The following GRIK2 variants were observed in gnomAD, a reference collection of about 807,000 sequenced individuals.
GRIK2 encodes the protein glutamate ionotropic receptor kainate type subunit 2, also known as glutamate receptor ionotropic, kainate 2.
Under a neutral mutation model 100.3 loss-of-function variants are expected in GRIK2, and 32 were observed. The observed-to-expected ratio is 0.32, with a 90% CI of 0.24 to 0.43. The LOEUF is 0.43. GRIK2 is among the 20% of genes least tolerant of loss of function. The pLI is 1.00. For synonymous variants in GRIK2, 417 were observed against 389.4 expected (o/e 1.07, Z -0.83); for missense variants, 843 against 1,114.9 (o/e 0.76, Z 3.47).
chr6:101,599,774 T>G (rs2128309457), intron 2 of GRIK2, among the ~76,000 whole-genome samples: 1 of 151,948 alleles, frequency 6.6e-6, no homozygotes, highest in East Asian at 1.9e-4. Flanking sequence ...GTTCAATTGT[T>G]TAGGCTTCTT....
At chr6:101,796,069 A>G (rs866762068) in intron 7 of GRIK2, among the ~76,000 whole-genome samples, 1 of 152,214 alleles carries the variant, frequency 6.6e-6, no homozygotes, top group Non-Finnish European at 1.5e-5. Flanking sequence ...CTTATTAACC[A>G]TAGAGTGTTG....
At chr6:101,973,370 A>G (rs1001677056) in intron 14 of GRIK2, among the ~76,000 whole-genome samples, 4 of 151,902 alleles carry the variant, frequency 2.6e-5, no homozygotes, top group African/African-American at 9.7e-5. Flanking sequence ...TTATGACTAT[A>G]GTTGTAAGTA....
intron 4 of GRIK2, among the ~76,000 whole-genome samples, chr6:101,673,730 T>A (rs1381382070): frequency 9.9e-5 from 15 of 152,186 alleles, no homozygotes. Context: ...GATTCCTCAA[T>A]GATGTGTTCT....
intron 14 of GRIK2, among the ~76,000 whole-genome samples, chr6:101,988,132 T>TGTGTGTGC (rs1231517176): frequency 8.8e-4 from 26 of 29,542 alleles, no homozygotes; most frequent in African/African-American, 1.7e-3. Flanking sequence ...TGTGTGTGTG[T>TGTGTGTGC]GCGCGCGCGC....
intron 7 of GRIK2, among the ~76,000 whole-genome samples, chr6:101,722,903 G>A (rs185338315): frequency 1.3e-5 from 2 of 152,142 alleles, no homozygotes; most frequent in East Asian, 1.9e-4. Context: ...ATCTGGGAGA[G>A]GATGCTGTCA....
At chr6:101,793,505 G>T (rs539449566) in intron 7 of GRIK2, among the ~76,000 whole-genome samples, 1 of 152,322 alleles carries the variant, frequency 6.6e-6, no homozygotes, top group South Asian at 2.1e-4. Flanking sequence ...ATCAGCAGCA[G>T]TGTCTGCAGA....
chr6:101,525,445 A>T (rs1420055152), intron 2 of GRIK2, among the ~76,000 whole-genome samples: 2 of 152,110 alleles, frequency 1.3e-5, no homozygotes, highest in East Asian at 3.9e-4. Flanking sequence ...ACAAATTATA[A>T]CCTTTTAACC....
intron 10 of GRIK2, among the ~76,000 whole-genome samples, chr6:101,838,434 A>T (rs531995293): frequency 1.3e-5 from 2 of 152,258 alleles, no homozygotes; most frequent in South Asian, 4.1e-4. Context: ...AATGTGTAAC[A>T]AAAAGGTCAT....
intron 2 of GRIK2, among the ~76,000 whole-genome samples, chr6:101,529,094 C>T (rs1301442245): frequency 2.0e-5 from 3 of 152,096 alleles, no homozygotes; most frequent in Non-Finnish European, 4.4e-5. Flanking sequence ...TGCCTAGGAA[C>T]CCCATGCCTG....
intron 11 of GRIK2, among the ~76,000 whole-genome samples, chr6:101,869,021 G>A (rs1785223652): frequency 6.6e-6 from 1 of 151,714 alleles, no homozygotes. Flanking sequence ...TTTTGTCAAG[G>A]GAAAGGGTCA....
At chr6:101,753,031 A>G (rs1355825246) in intron 7 of GRIK2, among the ~76,000 whole-genome samples, 1 of 152,184 alleles carries the variant, frequency 6.6e-6, no homozygotes, top group African/African-American at 2.4e-5. Flanking sequence ...GCGGTGGCTC[A>G]CGCTTGTAAT....
At chr6:101,409,738 T>C (rs559015093) in intron 2 of GRIK2, among the ~76,000 whole-genome samples, 4 of 152,166 alleles carry the variant, frequency 2.6e-5, no homozygotes, top group Admixed American at 2.6e-4. Flanking sequence ...TAGATAATGT[T>C]GGATTTAATA....
chr6:101,578,850 T>G (rs1028923422), intron 2 of GRIK2, among the ~76,000 whole-genome samples: 4 of 152,202 alleles, frequency 2.6e-5, no homozygotes, highest in African/African-American at 9.6e-5. Flanking sequence ...TCCAGCAACA[T>G]ATAAATTCCA....
At chr6:101,797,671 AT>A (rs2128412295) in intron 7 of GRIK2, among the ~76,000 whole-genome samples, 1 of 40,232 alleles carries the variant, frequency 2.5e-5, no homozygotes, top group South Asian at 6.0e-4. Flanking sequence ...TATTTCCATA[AT>A]AAACCATTAT....
At chr6:101,512,474 A>G (rs1266740430) in intron 2 of GRIK2, among the ~76,000 whole-genome samples, 1 of 152,096 alleles carries the variant, frequency 6.6e-6, no homozygotes, top group Non-Finnish European at 1.5e-5. Flanking sequence ...TTGGCTAAAA[A>G]TTATGCCAAC....
At chr6:101,437,958 G>A (rs546361711) in intron 2 of GRIK2, among the ~76,000 whole-genome samples, 1 of 152,216 alleles carries the variant, frequency 6.6e-6, no homozygotes, top group Admixed American at 6.5e-5. Flanking sequence ...GAAGCAGTGG[G>A]CGGAGAATGT....
At chr6:102,026,587 A>G (rs1282066894) in intron 14 of GRIK2, among the ~76,000 whole-genome samples, 3 of 151,250 alleles carry the variant, frequency 2.0e-5, no homozygotes, top group African/African-American at 4.8e-5. Flanking sequence ...ACAATGAACT[A>G]TCAAATGCTG....
chr6:101,866,798 T>C (rs1417751574), intron 11 of GRIK2, among the ~76,000 whole-genome samples: 2 of 152,036 alleles, frequency 1.3e-5, no homozygotes, highest in Non-Finnish European at 2.9e-5. Flanking sequence ...GAATTCCCCA[T>C]TTACTTCATT....
chr6:101,699,384 A>G (rs1335106029), intron 7 of GRIK2, among the ~76,000 whole-genome samples: 1 of 152,046 alleles, frequency 6.6e-6, no homozygotes, highest in African/African-American at 2.4e-5. Context: ...CTGGTTCTTT[A>G]TGCAACAAAA....
Sources: allele counts gnomAD v4.1 joint callset (sites outside exome capture counted in the v4.1 genomes callset), GRCh38; gene constraint gnomAD v4.1.1; transcripts MANE v1.5; gene names NCBI Gene and HGNC (gene_info 2026-07-23, HGNC 2026-07-21).